Variants in DNAH11 observed in about 807,000 individuals in gnomAD.
DNAH11 encodes dynein axonemal heavy chain 11.
A neutral mutation model predicts 526.0 loss-of-function variants in DNAH11; 442 were observed. That is an observed-to-expected ratio of 0.84 (90% CI 0.78 to 0.91). The LOEUF (loss-of-function observed/expected upper bound fraction) is 0.91. DNAH11 is among the 40% of genes least tolerant of loss of function. The pLI is 0.00. For missense variants in DNAH11, 6,989 were observed against 5,448.7 expected (o/e 1.28, Z -8.90); for synonymous variants, 2,461 against 1,935.9 (o/e 1.27, Z -7.12).
intron 63 of DNAH11, among the ~76,000 whole-genome samples, chr7:21,815,164 T>A (rs964129835): frequency 6.6e-6 from 1 of 152,132 alleles, no homozygotes; most frequent in Non-Finnish European, 1.5e-5. Flanking sequence ...ATATGAGATC[T>A]GCAGGTGCCC....
At chr7:21,548,755 T>C (rs2128426710) in intron 2 of DNAH11, among the ~76,000 whole-genome samples, 1 of 152,218 alleles carries the variant, frequency 6.6e-6, no homozygotes, top group African/African-American at 2.4e-5. Flanking sequence ...AGTTGAGAGT[T>C]CTCCTATGGG....
intron 38 of DNAH11, 64 bp from the exon 39 acceptor site, chr7:21,705,395 TG>T (rs1784224662): frequency 6.4e-7 from 1 of 1,552,986 alleles, no homozygotes; most frequent in Admixed American, 1.7e-5. Context: ...TGGGCAAAAA[TG>T]GTAGATTATC....
In DNAH11 at chr7:21,901,259, A is replaced by ACACTGGCATT. The variant is rs749103140; in HGVS notation, c.*7_*16dup. 6.3e-7 allele frequency: 1 copy of ACACTGGCATT among 1,598,026 alleles called. No homozygotes were observed. Among genetic ancestry groups the ACACTGGCATT allele is most frequent in the Non-Finnish European group, 8.5e-7 (1 of 1,172,258 alleles). The stretch of plus-strand genomic sequence containing the variant: ...GCTCTGCTTCTAGAAGCGTAAGGTA[A>ACACTGGCATT]CACTGGCATTCCTCTAGCCTCTGCT... On this transcript the variant is annotated 3_prime_UTR_variant, in exon 82 of 82. Coordinates refer to ENST00000409508, the MANE Select transcript of DNAH11 (RefSeq NM_001277115.2).
At chr7:21,867,816 G>T (rs1261463474) in intron 71 of DNAH11, 43 bp from the exon 72 acceptor site, 1 of 1,541,088 alleles carries the variant, frequency 6.5e-7, no homozygotes, top group Non-Finnish European at 8.8e-7. Context: ...TCTTTTCAAG[G>T]TCAAAACCAC....
Position 21,900,175 on chromosome 7 carries a change from G to GTGTT in DNAH11, c.13303+59_13303+62dup, listed in dbSNP as rs529878575. 305 of 1,533,786 alleles carry GTGTT rather than the reference G, an allele frequency of 2.0e-4. 1 individual carries two copies. Among genetic ancestry groups the GTGTT allele is most frequent in the South Asian group, 1.2e-3 (96 of 77,024 alleles). ...CCTTTTCTTACTCAGGTTCAGATCA[G>GTGTT]TGTTTGTCCTCTGCTTACTGTTTCT... On this transcript the variant is annotated intron_variant, in intron 81 of 81. Coordinates refer to ENST00000409508, the MANE Select transcript of DNAH11 (RefSeq NM_001277115.2).
At chr7:21,812,476 C>A (rs1361035242) in intron 63 of DNAH11, among the ~76,000 whole-genome samples, 22 of 151,796 alleles carry the variant, frequency 1.4e-4, no homozygotes, top group African/African-American at 5.1e-4. Flanking sequence ...TGATACCAGC[C>A]TGGGCTACAC....
chr7:21,665,547 T>G (rs183554889), intron 30 of DNAH11, among the ~76,000 whole-genome samples: 1 of 152,260 alleles, frequency 6.6e-6, no homozygotes, highest in African/African-American at 2.4e-5. Context: ...TGGTTCTTTT[T>G]TTTGTTCTCA....
At chr7:21,899,524 T>G in intron 80 of DNAH11, 76 bp downstream of exon 80, 1 of 1,154,768 alleles carries the variant, frequency 8.7e-7, no homozygotes, top group Non-Finnish European at 1.3e-6. Context: ...TGTTTACCTA[T>G]GATGGCGTCT....
chr7:21,583,616 C>G (rs182922330), intron 9 of DNAH11, among the ~76,000 whole-genome samples: 1 of 152,054 alleles, frequency 6.6e-6, no homozygotes, highest in East Asian at 1.9e-4. Context: ...GTCTCCACAG[C>G]GAAAGAAACT....
At chr7:21,635,486 A>T (rs971079232) in intron 25 of DNAH11, among the ~76,000 whole-genome samples, 1 of 152,058 alleles carries the variant, frequency 6.6e-6, no homozygotes. Context: ...ACACATACCT[A>T]TACAATCTTG....
chr7:21,721,515 C>G (rs892924393), intron 44 of DNAH11, among the ~76,000 whole-genome samples: 1 of 152,116 alleles, frequency 6.6e-6, no homozygotes, highest in Non-Finnish European at 1.5e-5. Flanking sequence ...ACCAAAAGTC[C>G]AAGATTATGG....
chr7:21,545,891 G>A (rs928886764), intron 2 of DNAH11, among the ~76,000 whole-genome samples: 4 of 152,132 alleles, frequency 2.6e-5, no homozygotes, highest in Non-Finnish European at 5.9e-5. Context: ...CTCAAACTTC[G>A]CTGAACATTA....
At chr7:21,705,398 T>A (rs570922950) in intron 38 of DNAH11, 62 bp from the exon 39 acceptor site, 1 of 1,561,148 alleles carries the variant, frequency 6.4e-7, no homozygotes, top group South Asian at 1.1e-5. Context: ...GCAAAAATGG[T>A]AGATTATCTT....
intron 66 of DNAH11, chr7:21,851,440 C>T (rs907910877): frequency 4.8e-6 from 2 of 416,944 alleles, no homozygotes; most frequent in Non-Finnish European, 9.8e-6. Flanking sequence ...ATTAATACAT[C>T]CAGGTCATAT....
At chr7:21,645,708 T>G (rs553241931) in intron 28 of DNAH11, among the ~76,000 whole-genome samples, 1 of 152,050 alleles carries the variant, frequency 6.6e-6, no homozygotes, top group Non-Finnish European at 1.5e-5. Context: ...AAATCAGATA[T>G]CTAAAAATCA....
At chr7:21,669,646 T>C (rs1782562086) in intron 30 of DNAH11, among the ~76,000 whole-genome samples, 1 of 126,378 alleles carries the variant, frequency 7.9e-6, no homozygotes, top group Non-Finnish European at 1.7e-5. Context: ...TTTTTAAAAA[T>C]GTTTTTCTTT....
intron 28 of DNAH11, among the ~76,000 whole-genome samples, chr7:21,654,398 G>T (rs1781922718): frequency 6.6e-6 from 1 of 152,176 alleles, no homozygotes. Flanking sequence ...ATTCATCCAA[G>T]TTGTAGCATG....
intron 66 of DNAH11, among the ~76,000 whole-genome samples, chr7:21,844,313 C>G (rs558101443): frequency 1.3e-5 from 2 of 152,272 alleles, no homozygotes; most frequent in East Asian, 3.9e-4. Flanking sequence ...GTAGCCGCAG[C>G]TACTGAGGAG....
intron 61 of DNAH11, among the ~76,000 whole-genome samples, chr7:21,800,501 G>A (rs180931604): frequency 6.6e-6 from 1 of 152,204 alleles, no homozygotes; most frequent in African/African-American, 2.4e-5. Flanking sequence ...GTGTGGTGGT[G>A]CACACCTGTA....
Sources: gnomAD v4.1 joint callset for allele counts (sites outside exome capture counted in the v4.1 genomes callset) on GRCh38, gnomAD v4.1.1 for gene constraint, MANE v1.5 for transcripts, NCBI Gene and HGNC (gene_info 2026-07-23, HGNC 2026-07-21) for gene names.